The following FRMPD3 variants were observed in gnomAD, a reference collection of about 807,000 sequenced individuals.
FRMPD3 encodes the protein FERM and PDZ domain-containing protein 3.
Under a neutral mutation model 97.9 loss-of-function variants are expected in FRMPD3, and 42 were observed. The observed-to-expected ratio is 0.43, with a 90% CI of 0.34 to 0.55. FRMPD3 has a LOEUF of 0.55. Ranked by LOEUF, FRMPD3 falls within the 20% of genes least tolerant of loss-of-function variation. The pLI is 0.03. For missense variants in FRMPD3, 1,303 were observed against 1,457.7 expected (o/e 0.89, Z 1.73); for synonymous variants, 577 against 581.1 (o/e 0.99, Z 0.10).
In FRMPD3 at chrX:107,533,679, G is replaced by A. The variant is rs186627388; in HGVS notation, c.297+129G>A. 5.0e-4 allele frequency: 283 copies of A among 567,412 alleles called. No individual in the cohort carries two copies. The African/African-American group carries it at 5.9e-3, about 12-fold the overall frequency. The allele number at this position is 567,412 out of a possible 1,213,427, so 46.8% of individuals were successfully genotyped here. ...ACCAACATATGAGCCAAGGATTTAG[G>A]AGTGAACTTAAAGAATACCTTCTGA... On this transcript the variant is annotated intron_variant, in intron 4 of 14. Transcript: ENST00000683843.
chrX:107,457,025 ATTT>A (rs1931387547), intron 1 of FRMPD3, among the ~76,000 whole-genome samples: 1 of 111,632 alleles, frequency 9.0e-6, no homozygotes, highest in Non-Finnish European at 1.9e-5. Context: ...AGGAAACCTG[ATTT>A]ACCTACCAAT....
intron 1 of FRMPD3, among the ~76,000 whole-genome samples, chrX:107,481,697 C>G (rs765379822): frequency 1.8e-5 from 2 of 111,773 alleles, no homozygotes; most frequent in South Asian, 7.6e-4. Context: ...CCTTGGTGAG[C>G]CCTCACCTCA....
rs1921805025 is a variant in FRMPD3 at position 107,550,182 on chromosome X, C to T, written c.510+26C>T. 3.1e-6 allele frequency: 3 copies of T among 968,175 alleles called. 1 individual carries two copies. The South Asian group carries it at 6.1e-5, about 20-fold the overall frequency. 79.8% of individuals were successfully genotyped at this position (968,175 alleles called of 1,213,427 possible). On this transcript the variant is annotated intron_variant, in intron 6 of 14. Coordinates refer to ENST00000683843, the MANE Select transcript of FRMPD3 (RefSeq NM_001388459.1). The stretch of plus-strand genomic sequence containing the variant: ...GTACATACAGTCTCCTCCCCCTGGT[C>T]AGCATTGCCCTCTCCAGAGTACATG...
At chrX:107,528,150 G>T (rs1922776148) in intron 2 of FRMPD3, among the ~76,000 whole-genome samples, 1 of 111,592 alleles carries the variant, frequency 9.0e-6, no homozygotes, top group South Asian at 3.9e-4. Context: ...AAGCCATGGG[G>T]CTGGCATGCA....
At chrX:107,587,341 G>T (rs1194531809) in intron 13 of FRMPD3, among the ~76,000 whole-genome samples, 4 of 110,501 alleles carry the variant, frequency 3.6e-5, no homozygotes, top group Admixed American at 9.7e-5. Flanking sequence ...GCCTATGTGT[G>T]TCTTTGCACA....
chrX:107,593,784 G>A (rs1374416722), intron 13 of FRMPD3, among the ~76,000 whole-genome samples: 2 of 111,522 alleles, frequency 1.8e-5, no homozygotes, highest in Non-Finnish European at 3.8e-5. Context: ...ACCATGCCTC[G>A]TAGTATAGTT....
chrX:107,457,907 A>G (rs1232713719), intron 1 of FRMPD3, among the ~76,000 whole-genome samples: 2 of 110,559 alleles, frequency 1.8e-5, no homozygotes, highest in African/African-American at 6.6e-5. Context: ...TCCAGCGTAC[A>G]TTTATTCTCT....
At chrX:107,533,308 T>C in intron 3 of FRMPD3, among the ~76,000 whole-genome samples, 197 bp from the exon 4 acceptor site, 1 of 111,747 alleles carries the variant, frequency 8.9e-6, no homozygotes, top group African/African-American at 3.3e-5. Flanking sequence ...CGGATACCTG[T>C]GTGAATTAAT....
At chrX:107,477,375 G>A (rs1921227651) in intron 1 of FRMPD3, among the ~76,000 whole-genome samples, 1 of 111,727 alleles carries the variant, frequency 9.0e-6, no homozygotes, top group Non-Finnish European at 1.9e-5. Flanking sequence ...AGAACCTACT[G>A]CAGAGAGAAC....
intron 12 of FRMPD3, among the ~76,000 whole-genome samples, chrX:107,572,588 A>C (rs1355538994): frequency 9.0e-6 from 1 of 111,016 alleles, no homozygotes; most frequent in Non-Finnish European, 1.9e-5. Context: ...AAATACAAAA[A>C]TTAGTCAGAT....
intron 13 of FRMPD3, among the ~76,000 whole-genome samples, chrX:107,582,378 G>T (rs1290495006): frequency 9.0e-6 from 1 of 111,417 alleles, no homozygotes; most frequent in Non-Finnish European, 1.9e-5. Context: ...TAGAGATGGG[G>T]TTTTACCATG....
intron 12 of FRMPD3, among the ~76,000 whole-genome samples, chrX:107,567,637 G>T (rs951934394): frequency 9.0e-6 from 1 of 111,709 alleles, no homozygotes; most frequent in East Asian, 2.8e-4. Flanking sequence ...GGCTGGAGAG[G>T]AGAATAACGA....
At chrX:107,474,831 C>CG (rs778756188) in intron 1 of FRMPD3, among the ~76,000 whole-genome samples, 88 of 111,058 alleles carry the variant, frequency 7.9e-4, no homozygotes, top group Non-Finnish European at 1.4e-3. Flanking sequence ...AGAAAGTACA[C>CG]GGGGGGGAAA....
At chrX:107,526,432 A>G in intron 1 of FRMPD3, 150 bp from the exon 2 acceptor site, 2 of 390,518 alleles carry the variant, frequency 5.1e-6, no homozygotes, top group East Asian at 4.0e-5. Flanking sequence ...TGAGGCAGTC[A>G]TCATCTCTGT....
chrX:107,576,867 C>G (rs1923139420), intron 13 of FRMPD3, among the ~76,000 whole-genome samples: 1 of 110,944 alleles, frequency 9.0e-6, no homozygotes. Context: ...AAGGAGGTGG[C>G]TCAAAGAACA....
intron 1 of FRMPD3, among the ~76,000 whole-genome samples, chrX:107,506,296 G>A (rs1291913353): frequency 8.9e-6 from 1 of 112,407 alleles, no homozygotes; most frequent in Admixed American, 9.4e-5. Flanking sequence ...AACTGACTTA[G>A]AGTTGCCGTT....
At chrX:107,468,554 CAG>C (rs1799433398) in intron 1 of FRMPD3, among the ~76,000 whole-genome samples, 1 of 112,431 alleles carries the variant, frequency 8.9e-6, no homozygotes, top group Non-Finnish European at 1.9e-5. Flanking sequence ...TGAGGAGTAA[CAG>C]GGAGCTACTT....
chrX:107,522,347 G>A (rs1278984949), intron 1 of FRMPD3: 9 of 530,492 alleles, frequency 1.7e-5, no homozygotes, highest in East Asian at 6.7e-5. Context: ...CCAACAACAC[G>A]GAGTGAACAG....
intron 1 of FRMPD3, among the ~76,000 whole-genome samples, chrX:107,505,424 C>T (rs2147531427): frequency 8.9e-6 from 1 of 112,137 alleles, no homozygotes; most frequent in East Asian, 2.8e-4. Context: ...CACAAAGGTG[C>T]CCTGCTTCTA....
Sources: gnomAD v4.1 joint callset for allele counts (sites outside exome capture counted in the v4.1 genomes callset) on GRCh38, gnomAD v4.1.1 for gene constraint, MANE v1.5 for transcripts, NCBI Gene and HGNC (gene_info 2026-07-23, HGNC 2026-07-21) for gene names.